VPS13B: variants seen among roughly 807,000 people sequenced by gnomAD.
VPS13B encodes the protein intermembrane lipid transfer protein VPS13B.
In VPS13B, 285 loss-of-function variants were observed where a neutral mutation model predicts 426.4. The ratio of observed to expected loss-of-function variants is 0.67; its 90% CI spans 0.61 to 0.74. The LOEUF (loss-of-function observed/expected upper bound fraction) is 0.74. VPS13B is among the 30% of genes least tolerant of loss of function. VPS13B has a pLI of 0.00. For missense variants in VPS13B, 4,537 were observed against 4,782.6 expected, an observed-to-expected ratio of 0.95 and a Z score of 1.51; for synonymous variants, 1,676 against 1,676.4, an observed-to-expected ratio of 1.00 and a Z score of 0.01.
chr8:99,174,709 G>A (rs1195925819), intron 16 of VPS13B, among the ~76,000 whole-genome samples: 1 of 152,022 alleles, frequency 6.6e-6, no homozygotes, highest in Non-Finnish European at 1.5e-5. Context: ...CCACTGTGTG[G>A]AACCATATTG....
intron 51 of VPS13B, 28 bp from the exon 52 acceptor site, chr8:99,832,341 A>ATTTTTCTT: frequency 8.4e-7 from 1 of 1,192,552 alleles, no homozygotes; most frequent in Non-Finnish European, 1.1e-6. Context: ...TGCTCTCTGC[A>ATTTTTCTT]TTTTTTTTTT....
At chr8:99,021,459 A>G (rs930046650) in intron 2 of VPS13B, among the ~76,000 whole-genome samples, 3 of 151,994 alleles carry the variant, frequency 2.0e-5, no homozygotes, top group Admixed American at 2.0e-4. Flanking sequence ...TGTCTCTACT[A>G]AAAATACAAA....
At chr8:99,329,084 A>G (rs1473632965) in intron 19 of VPS13B, among the ~76,000 whole-genome samples, 2 of 152,074 alleles carry the variant, frequency 1.3e-5, no homozygotes, top group Non-Finnish European at 2.9e-5. Flanking sequence ...CCTCTTTTGA[A>G]AAGTCTAGCT....
chr8:99,763,135 CAAAA>C (rs750289763), intron 39 of VPS13B, among the ~76,000 whole-genome samples: 39 of 35,834 alleles, frequency 1.1e-3, no homozygotes, highest in African/African-American at 3.6e-3. Flanking sequence ...GACCTTGTCT[CAAAA>C]AAAAAAAAAA....
intron 16 of VPS13B, among the ~76,000 whole-genome samples, chr8:99,191,143 A>G (rs1417829966): frequency 6.6e-6 from 1 of 151,654 alleles, no homozygotes; most frequent in Non-Finnish European, 1.5e-5. Context: ...ATGATTTCTG[A>G]TGAGGAGTCT....
chr8:99,545,842 C>T (rs1466680809), intron 30 of VPS13B, among the ~76,000 whole-genome samples: 4 of 151,942 alleles, frequency 2.6e-5, no homozygotes. Context: ...TAATGTATGG[C>T]AATTGAAGGG....
chr8:99,443,017 C>T (rs1009429405), intron 23 of VPS13B, among the ~76,000 whole-genome samples: 7 of 151,906 alleles, frequency 4.6e-5, no homozygotes, highest in Middle Eastern at 3.4e-3. Flanking sequence ...TAAATAATTG[C>T]GTGAATATAT....
chr8:99,819,959 T>G lies in VPS13B; in HGVS notation c.8831T>G (p.Val2944Gly), dbSNP rs1264226898. Residue 2944 changes from valine to glycine, a missense_variant, in exon 49 of 62, where the codon GTG (valine) becomes GGG (glycine). This residue lies in a region of VPS13B where 4,311 missense variants were observed against 4,474.3 expected (regional missense o/e 0.96). Transcript: ENST00000357162. ...AGTCAGTGGGATAGCCCAATGCGAG[T>G]GAAGCTGTCAATCTGGAAGCCATAT... is the stretch of plus-strand genomic sequence containing the variant. Reference protein sequence around the residue: ...QLSQWDSPMRVKLSIWKPYVR... With the variant: ...QLSQWDSPMRGKLSIWKPYVR... The G allele has an allele frequency of 1.2e-6, 2 of 1,613,958 alleles. No homozygotes were observed. The highest frequency in any genetic ancestry group is 1.7e-6 in the Non-Finnish European group (2 of 1,179,910).
At chr8:99,753,914 T>C (rs976007718) in intron 39 of VPS13B, among the ~76,000 whole-genome samples, 1 of 152,150 alleles carries the variant, frequency 6.6e-6, no homozygotes, top group African/African-American at 2.4e-5. Flanking sequence ...AATCTGCAGC[T>C]GTACCCCTTC....
intron 31 of VPS13B, among the ~76,000 whole-genome samples, chr8:99,558,965 G>T (rs1824743458): frequency 6.6e-6 from 1 of 152,164 alleles, no homozygotes; most frequent in Non-Finnish European, 1.5e-5. Context: ...TCTAGTTCTA[G>T]ATCCTTGAGG....
At chr8:99,497,200 A>AT (rs1820958006) in intron 25 of VPS13B, among the ~76,000 whole-genome samples, 1 of 141,368 alleles carries the variant, frequency 7.1e-6, no homozygotes, top group African/African-American at 2.6e-5. Context: ...ACATGTATTT[A>AT]TATATTTAAT....
chr8:99,256,617 G>A (rs995585605), intron 17 of VPS13B, among the ~76,000 whole-genome samples: 2 of 151,994 alleles, frequency 1.3e-5, no homozygotes, highest in Non-Finnish European at 2.9e-5. Context: ...TCTCTTTGTC[G>A]TTTTGATTTG....
intron 31 of VPS13B, among the ~76,000 whole-genome samples, chr8:99,559,216 G>A (rs1441171502): frequency 6.6e-6 from 1 of 152,200 alleles, no homozygotes; most frequent in African/African-American, 2.4e-5. Flanking sequence ...TTTGAAAAGT[G>A]TCTGTTCATA....
chr8:99,051,507 G>A lies in VPS13B; in HGVS notation c.291+12941G>A, dbSNP rs1372865943. ...CTTTTGGCTTAGGATTGACTTGGCA[G>A]TGCAGGCTCTTTTTTGGTTCCATAT... On this transcript the variant is annotated intron_variant, in intron 3 of 61. Coordinates refer to ENST00000357162, the MANE Select transcript of VPS13B (RefSeq NM_152564.5). Among the ~76,000 whole-genome samples, 24 of 151,888 alleles carry A rather than the reference G, an allele frequency of 1.6e-4. No homozygotes were observed. In the South Asian group the frequency reaches 4.0e-3, roughly 25 times the overall value.
Position 99,481,729 on chromosome 8 carries a change from G to A in VPS13B, c.3797G>A (p.Arg1266Lys). 1 of 1,614,014 alleles carries A rather than the reference G, an allele frequency of 6.2e-7. No homozygotes were observed. The highest frequency in any genetic ancestry group is 8.5e-7 in the Non-Finnish European group (1 of 1,179,916). Residue 1266 changes from arginine to lysine, a missense_variant, in exon 25 of 62, where the codon AGA (arginine) becomes AAA (lysine). Around this residue, in one of 2 missense-constraint regions of VPS13B, gnomAD observed 4,311 missense variants for 4,474.3 expected, o/e 0.96. Coordinates refer to ENST00000357162, the MANE Select transcript of VPS13B (RefSeq NM_152564.5). ...MAGPVPTSPV[R>K]SSIGTAPPDT... ...GGGCCTGTTCCTACTTCTCCAGTTA[G>A]AAGCAGTATAGGCACAGCTCCTCCA...
chr8:99,507,796 G>A (rs1326429826), intron 28 of VPS13B: 3 of 1,613,882 alleles, frequency 1.9e-6, no homozygotes, highest in Non-Finnish European at 2.5e-6. Flanking sequence ...TGGTCTTTGG[G>A]GCAATGTGGA....
At chr8:99,236,311 G>A (rs1051962258) in intron 17 of VPS13B, among the ~76,000 whole-genome samples, 6 of 151,444 alleles carry the variant, frequency 4.0e-5, no homozygotes, top group African/African-American at 7.3e-5. Context: ...GTGCAGTGGC[G>A]TGATCTCAGC....
chr8:99,178,029 AT>A (rs956979917), intron 16 of VPS13B, among the ~76,000 whole-genome samples: 1 of 135,256 alleles, frequency 7.4e-6, no homozygotes. Flanking sequence ...TTGTTAATGT[AT>A]TTTTTTTTAA....
chr8:99,649,110 G>C (rs1235706221), intron 34 of VPS13B, among the ~76,000 whole-genome samples: 1 of 151,970 alleles, frequency 6.6e-6, no homozygotes, highest in Non-Finnish European at 1.5e-5. Context: ...TTCCATATTT[G>C]TAATGTGTTG....
Sources: allele counts gnomAD v4.1 joint callset (sites outside exome capture counted in the v4.1 genomes callset), GRCh38; gene constraint gnomAD v4.1.1; regional missense constraint gnomAD v4.1.1; transcripts MANE v1.5; gene names NCBI Gene and HGNC (gene_info 2026-07-23, HGNC 2026-07-21).